Variants in GLT8D2 observed in about 807,000 individuals in gnomAD.
GLT8D2 encodes the protein glycosyltransferase 8 domain containing 2.
Under a neutral mutation model 44.5 loss-of-function variants are expected in GLT8D2, and 45 were observed. The observed-to-expected ratio is 1.01, with a 90% CI of 0.80 to 1.30. GLT8D2 has a LOEUF of 1.30. GLT8D2 is among the 50% of genes most tolerant of loss of function. The pLI, the probability that GLT8D2 is intolerant of heterozygous loss-of-function variation, is 0.00. For missense variants in GLT8D2, 400 were observed against 430.4 expected, an observed-to-expected ratio of 0.93 and a Z score of 0.62; for synonymous variants, 156 against 157.2, an observed-to-expected ratio of 0.99 and a Z score of 0.06.
intron 5 of GLT8D2, among the ~76,000 whole-genome samples, chr12:104,001,156 C>T (rs1286023374): frequency 6.6e-6 from 1 of 152,202 alleles, no homozygotes; most frequent in Admixed American, 6.5e-5. Flanking sequence ...ACGAGTTATA[C>T]TGCAGCTAGT....
At chr12:104,026,345 G>C (rs562945738) in intron 1 of GLT8D2, among the ~76,000 whole-genome samples, 226 of 151,876 alleles carry the variant, frequency 1.5e-3, no homozygotes, top group Non-Finnish European at 2.6e-3. Context: ...GCAAGAAAAG[G>C]GTTGATCTAC....
At chr12:104,064,353 C>A (rs1287210651), upstream of GLT8D2, 9 of 455,390 alleles carry the variant, frequency 2.0e-5, no homozygotes, top group African/African-American at 1.8e-4. The surrounding 1 kb of genome is among the most constrained non-coding windows in gnomAD (Gnocchi z 7.3). Context: ...TGGCCGCTGG[C>A]CAAGTCGCCT....
chr12:103,994,069 G>C lies in GLT8D2; in HGVS notation c.767+266C>G, dbSNP rs181018250. 13 of 228,634 alleles carry C rather than the reference G, an allele frequency of 5.7e-5. No individual in the cohort carries two copies. The Admixed American group carries it at 6.1e-4, about 11-fold the overall frequency. The allele number at this position is 228,634 out of a possible 1,614,324, so 14.2% of individuals were successfully genotyped here. Reference sequence around the variant, plus strand: ...TAAATGAAGATTGTTTGGTGGAAAAGATTCAAGTCACATTTTTCAACAGCT... The same window carrying C: ...TAAATGAAGATTGTTTGGTGGAAAACATTCAAGTCACATTTTTCAACAGCT... On this transcript the variant is annotated intron_variant, in intron 9 of 10. Transcript: ENST00000360814.
intron 4 of GLT8D2, among the ~76,000 whole-genome samples, chr12:104,007,928 C>T (rs1875300389): frequency 6.6e-6 from 1 of 152,196 alleles, no homozygotes; most frequent in Non-Finnish European, 1.5e-5. Flanking sequence ...TCTCTTGCTG[C>T]TGCCATGTAA....
chr12:104,042,050 C>G (rs1177599478), intron 1 of GLT8D2, among the ~76,000 whole-genome samples: 3 of 152,228 alleles, frequency 2.0e-5, no homozygotes, highest in Non-Finnish European at 4.4e-5. Flanking sequence ...GTGTGGCAGC[C>G]TTGATAGCTG....
chr12:104,058,473 G>A (rs996828593), intron 1 of GLT8D2, among the ~76,000 whole-genome samples: 5 of 152,056 alleles, frequency 3.3e-5, no homozygotes, highest in African/African-American at 1.2e-4. Flanking sequence ...TCCATTGGGG[G>A]GTGTGAAGCC....
intron 1 of GLT8D2, among the ~76,000 whole-genome samples, chr12:104,062,474 G>A (rs1245363859): frequency 6.6e-6 from 1 of 152,166 alleles, no homozygotes; most frequent in Non-Finnish European, 1.5e-5. Flanking sequence ...TTGGGTGAAT[G>A]AGGCATATAA....
chr12:104,062,060 T>C (rs1882698178), intron 1 of GLT8D2, among the ~76,000 whole-genome samples: 1 of 151,890 alleles, frequency 6.6e-6, no homozygotes, highest in African/African-American at 2.4e-5. Context: ...TGAGAATTCC[T>C]TTTGGGGTTT....
chr12:104,043,793 C>CA (rs991001722), intron 1 of GLT8D2, among the ~76,000 whole-genome samples: 5 of 152,106 alleles, frequency 3.3e-5, no homozygotes, highest in African/African-American at 7.2e-5. Flanking sequence ...AATTGCTCCA[C>CA]AAAAAAATCA....
chr12:104,034,039 CA>C (rs1327192313), intron 1 of GLT8D2, among the ~76,000 whole-genome samples: 3 of 151,842 alleles, frequency 2.0e-5, no homozygotes, highest in Non-Finnish European at 4.4e-5. Context: ...AGAAAGCAAA[CA>C]AAAAACTCTT....
At chr12:104,040,485 G>A (rs181691838) in intron 1 of GLT8D2, among the ~76,000 whole-genome samples, 31 of 152,154 alleles carry the variant, frequency 2.0e-4, no homozygotes, top group Admixed American at 1.5e-3. Context: ...GAGTGCAGTC[G>A]CTTGATCTTG....
chr12:104,062,886 C>T (rs181924276), intron 1 of GLT8D2, among the ~76,000 whole-genome samples: 25 of 152,286 alleles, frequency 1.6e-4, no homozygotes, highest in African/African-American at 5.5e-4. Context: ...AACCAGTCCT[C>T]GGCCTGTTCG....
chr12:104,020,184 A>C (rs981585299), intron 2 of GLT8D2, among the ~76,000 whole-genome samples: 1 of 152,094 alleles, frequency 6.6e-6, no homozygotes, highest in African/African-American at 2.4e-5. Flanking sequence ...AGCCTCCCAA[A>C]GTGCTGGGAT....
At chr12:104,062,222 C>T (rs528379580) in intron 1 of GLT8D2, among the ~76,000 whole-genome samples, 1 of 151,750 alleles carries the variant, frequency 6.6e-6, no homozygotes, top group African/African-American at 2.4e-5. Context: ...TACAGGCATG[C>T]ACCACCACGC....
chr12:104,040,373 G>A (rs112669667), intron 1 of GLT8D2, among the ~76,000 whole-genome samples: 5,035 of 152,112 alleles, frequency 0.033, 285 homozygotes, highest in African/African-American at 0.12. Context: ...TTATTCAAAT[G>A]AGTCAGATTA....
At chr12:103,992,615 C>T (rs903262928) in intron 10 of GLT8D2, among the ~76,000 whole-genome samples, 8 of 151,844 alleles carry the variant, frequency 5.3e-5, no homozygotes, top group Non-Finnish European at 1.0e-4. Context: ...GCCTCAGCCT[C>T]CCGAGTAGCT....
intron 1 of GLT8D2, among the ~76,000 whole-genome samples, chr12:104,063,147 G>A (rs916415373): frequency 3.9e-5 from 6 of 152,070 alleles, no homozygotes; most frequent in Non-Finnish European, 7.4e-5. Flanking sequence ...CCATGAAACC[G>A]GTCCCTAGTG....
intron 5 of GLT8D2, 131 bp downstream of exon 5, chr12:104,003,004 G>A: frequency 1.5e-6 from 1 of 652,806 alleles, no homozygotes; most frequent in Non-Finnish European, 2.6e-6. Flanking sequence ...AAGAGAGAGG[G>A]AGAGAAAGAG....
rs1459467263 is a variant in GLT8D2 at position 104,003,305 on chromosome 12, A to G, written c.114T>C (p.Asp38=). The G allele has an allele frequency of 6.2e-7, 1 of 1,613,784 alleles. No homozygotes were observed. The highest frequency in any genetic ancestry group is 8.5e-7 in the Non-Finnish European group (1 of 1,179,880). Residue 38 remains aspartate (D), a splice_region_variant and synonymous_variant, in exon 5 of 11, where the codon GAT becomes GAC. Coordinates refer to ENST00000360814, the MANE Select transcript of GLT8D2 (RefSeq NM_001384711.1). Reference sequence around the variant, plus strand: ...GTTCTTCAGGAGTCTCGGATTCATCATCTGGAAACATAAAAACTGGTGTCT... The same window carrying G: ...GTTCTTCAGGAGTCTCGGATTCATCGTCTGGAAACATAAAAACTGGTGTCT... ...HKGTVPKNDA[D]DESETPEELE...
Sources: allele counts gnomAD v4.1 joint callset (sites outside exome capture counted in the v4.1 genomes callset), GRCh38; gene constraint gnomAD v4.1.1; non-coding constraint Gnocchi (gnomAD v3.1); transcripts MANE v1.5; gene names NCBI Gene and HGNC (gene_info 2026-07-23, HGNC 2026-07-21).